The following MPP7 variants were observed in gnomAD, a reference collection of about 807,000 sequenced individuals.
The protein encoded by MPP7 is MAGUK p55 subfamily member 7.
In MPP7, 60 loss-of-function variants were observed where a neutral mutation model predicts 76.5. The ratio of observed to expected loss-of-function variants is 0.78; its 90% confidence interval spans 0.64 to 0.97. The LOEUF (loss-of-function observed/expected upper bound fraction) is 0.97. Among genes scored for constraint, MPP7 ranks in the 50% least tolerant of loss-of-function variants. MPP7 has a pLI of 0.00. For synonymous variants in MPP7, 237 were observed against 244.5 expected (o/e 0.97, Z 0.29); for missense variants, 641 against 694.0 (o/e 0.92, Z 0.86).
At chr10:28,307,032 G>A (rs892709326), upstream of MPP7, among the ~76,000 whole-genome samples, 1 of 152,200 alleles carries the variant, frequency 6.6e-6, no homozygotes, top group African/African-American at 2.4e-5. Context: ...GATGGGGGCT[G>A]CAGGGGACCA....
chr10:28,158,450 T>C (rs1033699098), intron 3 of MPP7, among the ~76,000 whole-genome samples: 3 of 151,980 alleles, frequency 2.0e-5, no homozygotes, highest in Non-Finnish European at 4.4e-5. Context: ...CACAGCCTAG[T>C]GAAGAGTAGA....
chr10:28,125,647 A>C (rs1212400359), intron 6 of MPP7, among the ~76,000 whole-genome samples: 1 of 152,164 alleles, frequency 6.6e-6, no homozygotes, highest in Non-Finnish European at 1.5e-5. Flanking sequence ...ATTATAAAGA[A>C]AAAGAAAAAA....
At chr10:28,288,480 A>G (rs936686394) in intron 1 of MPP7, among the ~76,000 whole-genome samples, 3 of 152,142 alleles carry the variant, frequency 2.0e-5, no homozygotes, top group African/African-American at 7.2e-5. Flanking sequence ...GCCTCAAGTG[A>G]TCGTCCCACC....
chr10:28,100,453 C>A (rs1853771827), intron 11 of MPP7, among the ~76,000 whole-genome samples: 1 of 152,026 alleles, frequency 6.6e-6, no homozygotes, highest in Admixed American at 6.6e-5. Flanking sequence ...TCTAGATTTA[C>A]TGAAGTCTAA....
chr10:28,067,015 G>A (rs537285084), intron 13 of MPP7, among the ~76,000 whole-genome samples: 16 of 152,134 alleles, frequency 1.1e-4, no homozygotes, highest in Admixed American at 3.9e-4. Context: ...AGCTCAGTAC[G>A]TGTCTTTTGG....
At chr10:28,163,196 T>C (rs1781831) in intron 3 of MPP7, among the ~76,000 whole-genome samples, 138,422 of 152,192 alleles carry the variant, frequency 0.91, 63,008 homozygotes, top group South Asian at 0.95. Flanking sequence ...ACACATCCCT[T>C]CCTCTCCCTC....
chr10:28,129,334 T>C (rs958214231), intron 6 of MPP7, among the ~76,000 whole-genome samples: 1 of 152,204 alleles, frequency 6.6e-6, no homozygotes, highest in Non-Finnish European at 1.5e-5. Flanking sequence ...ATTTATTCTA[T>C]GTGATTTTGT....
intron 2 of MPP7, among the ~76,000 whole-genome samples, chr10:28,204,160 C>A (rs893204171): frequency 6.6e-6 from 1 of 152,028 alleles, no homozygotes; most frequent in Non-Finnish European, 1.5e-5. Flanking sequence ...TCGCATAGCA[C>A]GGCCAGGCAT....
intron 1 of MPP7, among the ~76,000 whole-genome samples, chr10:28,281,229 G>A (rs1176442858): frequency 9.9e-5 from 15 of 151,840 alleles, no homozygotes; most frequent in Non-Finnish European, 1.6e-4. Flanking sequence ...ACCAGCGCAC[G>A]CCACTACACC....
chr10:28,143,878 TGTGTGTG>T (rs1835614153), intron 5 of MPP7, among the ~76,000 whole-genome samples: 1 of 144,024 alleles, frequency 6.9e-6, no homozygotes, highest in Non-Finnish European at 1.5e-5. Flanking sequence ...TGTGTGTGTG[TGTGTGTG>T]TGTGTGTGTG....
At chr10:28,238,476 C>G in intron 2 of MPP7, 92 bp downstream of exon 2, 3 of 1,337,260 alleles carry the variant, frequency 2.2e-6, no homozygotes, top group Non-Finnish European at 3.2e-6. Context: ...CAAGCATGAT[C>G]TGCCTGCATT....
Position 28,106,635 on chromosome 10 carries a change from C to T in MPP7, c.952+13016G>A, listed in dbSNP as rs543601251. 5.3e-5 allele frequency among the ~76,000 whole-genome samples: 8 copies of T among 152,280 alleles called. No homozygotes were observed. In the South Asian group the frequency reaches 1.2e-3, roughly 24 times the overall value. On this transcript the variant is annotated intron_variant, in intron 11 of 16. Coordinates refer to ENST00000683449, the MANE Select transcript of MPP7 (RefSeq NM_001318170.2). The stretch of plus-strand genomic sequence containing the variant: ...GATATTCAATTCTTTACCATTGGCT[C>T]GGTCATCTCTGCCTATAAAAATGAT...
chr10:28,179,523 A>G (rs946411398), intron 3 of MPP7, among the ~76,000 whole-genome samples: 9 of 152,232 alleles, frequency 5.9e-5, no homozygotes, highest in African/African-American at 2.2e-4. Context: ...ATACATTAAT[A>G]ATAATAAATA....
At chr10:28,173,523 C>T (rs890800426) in intron 3 of MPP7, among the ~76,000 whole-genome samples, 5 of 152,302 alleles carry the variant, frequency 3.3e-5, no homozygotes, top group Admixed American at 6.5e-5. Context: ...CTCTGCTTTG[C>T]CTTCCACTGT....
In MPP7 at chr10:28,171,489, T is replaced by C. The variant is rs535819328; in HGVS notation, c.157-21430A>G. On this transcript the variant is annotated intron_variant, in intron 3 of 16. Coordinates refer to ENST00000683449, the MANE Select transcript of MPP7 (RefSeq NM_001318170.2). Reference sequence around the variant, plus strand: ...ATGGGAGGGAGGCCATACCATGGGGTCAACAGCATTTCAAATGAGCCCAGA... The same window carrying C: ...ATGGGAGGGAGGCCATACCATGGGGCCAACAGCATTTCAAATGAGCCCAGA... 2.6e-5 allele frequency among the ~76,000 whole-genome samples: 4 copies of C among 152,244 alleles called. No homozygotes were observed. The South Asian group carries it at 8.3e-4, about 32-fold the overall frequency.
At chr10:28,148,637 C>CAGAAA (rs1441501469) in intron 4 of MPP7, among the ~76,000 whole-genome samples, 11 of 152,114 alleles carry the variant, frequency 7.2e-5, no homozygotes, top group African/African-American at 2.7e-4. Flanking sequence ...GGTAATATTT[C>CAGAAA]TACAGCATTT....
intron 5 of MPP7, among the ~76,000 whole-genome samples, chr10:28,140,241 T>C (rs1202248026): frequency 6.6e-6 from 1 of 152,242 alleles, no homozygotes; most frequent in East Asian, 1.9e-4. Flanking sequence ...CCAGATGCGA[T>C]GGCTACCGCC....
At chr10:28,264,290 C>CT (rs911150894) in intron 1 of MPP7, among the ~76,000 whole-genome samples, 4 of 151,910 alleles carry the variant, frequency 2.6e-5, no homozygotes, top group Non-Finnish European at 4.4e-5. Context: ...GACCCTGTCT[C>CT]TTTTTTTTAA....
At chr10:28,204,161 G>A (rs543302739) in intron 2 of MPP7, among the ~76,000 whole-genome samples, 1 of 152,192 alleles carries the variant, frequency 6.6e-6, no homozygotes, top group Admixed American at 6.5e-5. Flanking sequence ...CGCATAGCAC[G>A]GCCAGGCATA....
Sources: gnomAD v4.1 joint callset for allele counts (sites outside exome capture counted in the v4.1 genomes callset) on GRCh38, gnomAD v4.1.1 for gene constraint, MANE v1.5 for transcripts, NCBI Gene and HGNC (gene_info 2026-07-23, HGNC 2026-07-21) for gene names.